Variants in CSF2RA observed in about 807,000 individuals in gnomAD.
The protein encoded by CSF2RA is granulocyte-macrophage colony-stimulating factor receptor subunit alpha.
A neutral mutation model predicts 51.6 loss-of-function variants in CSF2RA; 42 were observed. The observed-to-expected ratio is 0.81, with a 90% confidence interval of 0.64 to 1.05. The LOEUF (loss-of-function observed/expected upper bound fraction) is 1.05, where lower values mean the gene tolerates loss of function less well. CSF2RA is among the 50% of genes least tolerant of loss of function. The pLI is 0.00. For missense variants in CSF2RA, 530 were observed against 501.1 expected (o/e 1.06, Z -0.55); for synonymous variants, 222 against 193.0 (o/e 1.15, Z -1.24).
At chrX:1,292,541 CAT>C (rs2148450595) in intron 7 of CSF2RA, among the ~76,000 whole-genome samples, 1 of 152,178 alleles carries the variant, frequency 6.6e-6, no homozygotes, top group South Asian at 2.1e-4. Context: ...AGCAGGAAGA[CAT>C]ATGAGCAAAG....
the CSF2RA span, among the ~76,000 whole-genome samples, chrX:1,315,695 T>C: frequency 6.6e-6 from 1 of 151,964 alleles, no homozygotes; most frequent in African/African-American, 2.4e-5. Context: ...GTGAGCCACC[T>C]TGCCCAGCCA....
the CSF2RA span, among the ~76,000 whole-genome samples, chrX:1,324,446 GAAAGAAAA>G: frequency 4.7e-5 from 3 of 63,204 alleles, no homozygotes; most frequent in African/African-American, 1.1e-4. Context: ...AGAGAAAAAA[GAAAGAAAA>G]AGAAAGAGAA....
chrX:1,324,106 G>C, the CSF2RA span, among the ~76,000 whole-genome samples: 3 of 152,016 alleles, frequency 2.0e-5, no homozygotes, highest in African/African-American at 4.8e-5. Context: ...GATCACTTGA[G>C]TCTGTGAGGT....
At chrX:1,320,494 T>C in the CSF2RA span, among the ~76,000 whole-genome samples, 1 of 125,354 alleles carries the variant, frequency 8.0e-6, no homozygotes, top group Non-Finnish European at 1.6e-5. Flanking sequence ...TATATGCCAA[T>C]GTGGCTTTTT....
At chrX:1,322,908 T>A in the CSF2RA span, among the ~76,000 whole-genome samples, 1 of 150,994 alleles carries the variant, frequency 6.6e-6, no homozygotes, top group African/African-American at 2.4e-5. Context: ...GACAGGCAGA[T>A]CACGAGGTCA....
chrX:1,306,862 G>GGAGA (rs60163712), intron 12 of CSF2RA, among the ~76,000 whole-genome samples: 4 of 149,800 alleles, frequency 2.7e-5, no homozygotes, highest in Admixed American at 2.7e-4. Context: ...CACAGAGAGG[G>GGAGA]GAGAGAGAGA....
At chrX:1,288,938 A>G in intron 6 of CSF2RA, 50 bp downstream of exon 6, 1 of 1,608,300 alleles carries the variant, frequency 6.2e-7, no homozygotes, top group Non-Finnish European at 8.5e-7. Flanking sequence ...GGGATGGGAG[A>G]AAAAATCATG....
Position 1,300,634 on chromosome X carries a change from T to C in CSF2RA, c.946+8T>C, listed in dbSNP as rs773221517. 43 of 1,613,660 alleles carry C rather than the reference T, an allele frequency of 2.7e-5. No individual in the cohort carries two copies. Among genetic ancestry groups the C allele is most frequent in the Non-Finnish European group, 3.5e-5 (41 of 1,179,838 alleles). ...GTGAAGCCATTGAATTTGGTAAGCGTTGGGCGGAGGTAAGGGATGTTTGTG... is the reference window on the plus strand; with the variant it reads ...GTGAAGCCATTGAATTTGGTAAGCGCTGGGCGGAGGTAAGGGATGTTTGTG... On this transcript the variant is annotated splice_region_variant and intron_variant, in intron 10 of 12. Transcript: ENST00000381529.
Position 1,295,443 on chromosome X carries a change from C to A in CSF2RA, c.797C>A (p.Thr266Lys). 1 of 1,613,474 alleles carries A rather than the reference C, an allele frequency of 6.2e-7. No individual in the cohort carries two copies. Among genetic ancestry groups the A allele is most frequent in the Middle Eastern group, 1.7e-4 (1 of 6,052 alleles). The stretch of plus-strand genomic sequence containing the variant: ...TGTTTCTAGAATACCCAGCCTGGCA[C>A]GGAAAACCTACTGGTAAGTGAAACC... ...DVHRKNTQPG[T>K]ENLLINVSGD... The change falls in exon 9 of 13, where the codon ACG becomes AAG. Residue 266 changes from threonine to lysine, a missense_variant. By Grantham distance (78) the Thr-to-Lys change is moderately conservative (BLOSUM62 -1). Transcript: ENST00000381529.
At chrX:1,289,317 A>T (rs368772340) in intron 6 of CSF2RA, among the ~76,000 whole-genome samples, 2 of 151,988 alleles carry the variant, frequency 1.3e-5, no homozygotes, top group East Asian at 3.9e-4. Context: ...TAGTAGAGAC[A>T]GGGTTTCACC....
chrX:1,309,280 A>G lies in CSF2RA; in HGVS notation c.1126-122A>G, dbSNP rs140682670. On this transcript the variant is annotated intron_variant, in intron 12 of 12. Coordinates refer to ENST00000381529, the MANE Select transcript of CSF2RA (RefSeq NM_172245.4). ...CAGTGAGCTGAGATGACACCACTGC[A>G]CTCCAGCCTGGGCAATAGAATGAGA... 20,757 of 1,014,882 alleles carry G rather than the reference A, an allele frequency of 0.02. 294 individuals are homozygous for G. Among genetic ancestry groups the G allele is most frequent in the South Asian group, 0.032 (2,435 of 75,306 alleles). The allele number at this position is 1,014,882 out of a possible 1,614,324, so 62.9% of individuals were successfully genotyped here. A position where few individuals can be genotyped will look rare whatever the true frequency, so the allele number is the denominator to read the frequency against.
chrX:1,314,087 C>A (rs1409448750), downstream of CSF2RA, among the ~76,000 whole-genome samples: 4 of 152,008 alleles, frequency 2.6e-5, no homozygotes, highest in Admixed American at 6.6e-5. Context: ...TGACTGAGGC[C>A]CCTGAAGGCT....
intron 9 of CSF2RA, 182 bp from the exon 10 acceptor site, chrX:1,300,309 G>T (rs1339100369): frequency 5.7e-6 from 4 of 701,962 alleles, no homozygotes; most frequent in Non-Finnish European, 9.7e-6. Flanking sequence ...TACTAACGAG[G>T]CTTGACTCTG....
chrX:1,271,959 C>CT lies in CSF2RA; in HGVS notation c.-90-2784dup, dbSNP rs1187844662. 3.0e-3 allele frequency among the ~76,000 whole-genome samples: 424 copies of CT among 141,204 alleles called. 1 individual carries two copies. The highest frequency in any genetic ancestry group is 3.7e-3 in the Middle Eastern group (1 of 268). 92.6% of individuals were successfully genotyped at this position (141,204 alleles called of 152,430 possible). A position where few individuals can be genotyped will look rare whatever the true frequency, so the allele number is the denominator to read the frequency against. ...GAGAAAAGACATGCACTTTTTTTTT[C>CT]TTTTTTTTTTTTGAGACGGAGTCTC... On this transcript the variant is annotated intron_variant, in intron 1 of 12. Transcript: ENST00000381529.
chrX:1,300,334 C>A (rs1483977277), intron 9 of CSF2RA, 157 bp from the exon 10 acceptor site: 3 of 880,496 alleles, frequency 3.4e-6, no homozygotes, highest in Middle Eastern at 3.5e-4. Flanking sequence ...GCTTCGAAGA[C>A]CCGATCAGAC....
intron 10 of CSF2RA, 76 bp downstream of exon 10, chrX:1,300,702 C>T: frequency 3.8e-6 from 6 of 1,593,224 alleles, no homozygotes; most frequent in Non-Finnish European, 4.3e-6. Flanking sequence ...GTCAGGTGCT[C>T]TGTCCTGGGC....
chrX:1,282,654 T>G, intron 2 of CSF2RA, 24 bp from the exon 3 acceptor site: 2 of 1,522,332 alleles, frequency 1.3e-6, no homozygotes, highest in Non-Finnish European at 9.1e-7. Flanking sequence ...ACCTTCTCAC[T>G]GTGTGATATT....
At chrX:1,311,667 A>G (rs1321588670), downstream of CSF2RA, among the ~76,000 whole-genome samples, 1 of 152,068 alleles carries the variant, frequency 6.6e-6, no homozygotes, top group African/African-American at 2.4e-5. Context: ...GCTGGTCTCC[A>G]TCTGACCTCG....
intron 4 of CSF2RA, among the ~76,000 whole-genome samples, chrX:1,286,671 C>G (rs1213437457): frequency 2.0e-5 from 3 of 152,138 alleles, no homozygotes; most frequent in South Asian, 2.1e-4. Flanking sequence ...CAGCCATAAT[C>G]TCACGGGAAC....
Sources: allele counts gnomAD v4.1 joint callset (sites outside exome capture counted in the v4.1 genomes callset), GRCh38; gene constraint gnomAD v4.1.1; transcripts MANE v1.5; gene names NCBI Gene and HGNC (gene_info 2026-07-23, HGNC 2026-07-21).